The following RAP1GAP variants were observed in gnomAD, a reference collection of about 807,000 sequenced individuals.
RAP1GAP encodes RAP1 GTPase activating protein, also known as rap1 GTPase-activating protein 1.
RAP1GAP carries 35 observed loss-of-function variants against 87.2 expected under a neutral mutation model. That is an observed-to-expected ratio of 0.40 (90% confidence interval 0.31 to 0.53). The LOEUF (loss-of-function observed/expected upper bound fraction) is 0.53. Among genes scored for constraint, RAP1GAP ranks in the 20% least tolerant of loss-of-function variants. The pLI is 0.48. For missense variants in RAP1GAP, 734 were observed against 898.9 expected, an observed-to-expected ratio of 0.82 and a Z score of 2.35; for synonymous variants, 375 against 363.9, an observed-to-expected ratio of 1.03 and a Z score of -0.35.
At chr1:21,650,139 G>A (rs1313945925) in intron 1 of RAP1GAP, among the ~76,000 whole-genome samples, 3 of 152,026 alleles carry the variant, frequency 2.0e-5, no homozygotes, top group African/African-American at 4.8e-5. Context: ...GTAGGGGTGC[G>A]GCTGGGGCTA....
At chr1:21,604,699 G>A (rs775741073) in intron 18 of RAP1GAP, among the ~76,000 whole-genome samples, 10 of 152,006 alleles carry the variant, frequency 6.6e-5, no homozygotes, top group Non-Finnish European at 1.2e-4. Flanking sequence ...CAGAGGTCGG[G>A]GAATTCCCTC....
chr1:21,640,482 T>C (rs2095417705), intron 2 of RAP1GAP, among the ~76,000 whole-genome samples: 1 of 152,176 alleles, frequency 6.6e-6, no homozygotes, highest in Non-Finnish European at 1.5e-5. Context: ...TCTATGTTCA[T>C]GATGAAGCTG....
chr1:21,658,720 C>T (rs991925461), intron 1 of RAP1GAP, among the ~76,000 whole-genome samples: 10 of 151,930 alleles, frequency 6.6e-5, no homozygotes, highest in Non-Finnish European at 8.8e-5. Context: ...ATCTCTATTA[C>T]GATAATTTTA....
intron 1 of RAP1GAP, among the ~76,000 whole-genome samples, chr1:21,654,501 G>A (rs1296627643): frequency 3.9e-5 from 6 of 152,248 alleles, no homozygotes; most frequent in African/African-American, 1.4e-4. Context: ...GCACTGAGAA[G>A]AGTAGAGTAT....
In RAP1GAP at chr1:21,659,133, G is replaced by C. The variant is rs562415338; in HGVS notation, c.-148-9337C>G. On this transcript the variant is annotated intron_variant, in intron 1 of 24. Transcript: ENST00000374765. ...TTGGTCAGGCTGGCCTCGAACTCCCGACCTCAGGTGATGCGCCCGCCTTAG... is the reference window on the plus strand; with the variant it reads ...TTGGTCAGGCTGGCCTCGAACTCCCCACCTCAGGTGATGCGCCCGCCTTAG... 2.6e-5 allele frequency among the ~76,000 whole-genome samples: 4 copies of C among 152,092 alleles called. No individual in the cohort carries two copies. In the South Asian group the frequency reaches 8.3e-4, roughly 32 times the overall value.
rs746970548 is a variant in RAP1GAP, at chr1:21,634,955, C to T, written c.-112-8558G>A. 3.3e-5 allele frequency among the ~76,000 whole-genome samples: 5 copies of T among 152,226 alleles called. No individual in the cohort carries two copies. The highest frequency in any genetic ancestry group is 9.6e-5 in the African/African-American group (4 of 41,462). ...TCCTGCCGGGCAACAACATCATCTG[C>T]TTCCCTAGCCTGGCACTTTCCAGTT... is the stretch of plus-strand genomic sequence containing the variant. On this transcript the variant is annotated intron_variant, in intron 2 of 24. Transcript: ENST00000374765. This position sits in a 1 kb window ranked among gnomAD's most constrained non-coding sequence, Gnocchi z 4.1.
In RAP1GAP at chr1:21,662,353, G is replaced by A. The variant is rs573771773; in HGVS notation, c.-149+6901C>T. ...TGATAATTACTATCTGTAAAACGAG[G>A]GGGTTGGACCAGCTGATCTCTGTGG... On this transcript the variant is annotated intron_variant, in intron 1 of 24. Transcript: ENST00000374765. 3.0e-4 allele frequency among the ~76,000 whole-genome samples: 46 copies of A among 152,248 alleles called. No individual in the cohort carries two copies. In the South Asian group the frequency reaches 6.0e-3, roughly 20 times the overall value.
At chr1:21,655,983 A>T (rs1433521765) in intron 1 of RAP1GAP, among the ~76,000 whole-genome samples, 1 of 152,178 alleles carries the variant, frequency 6.6e-6, no homozygotes, top group East Asian at 1.9e-4. Context: ...CTCATTCAGG[A>T]TATCTGCCCC....
Position 21,624,366 on chromosome 1 carries a change from G to C in RAP1GAP, c.-19+1938C>G, listed in dbSNP as rs150476270. Among the ~76,000 whole-genome samples the C allele has an allele frequency of 1.1e-3, 161 of 152,336 alleles. 2 individuals are homozygous for C. The East Asian group carries it at 0.02, about 19-fold the overall frequency. On this transcript the variant is annotated intron_variant, in intron 3 of 24. Transcript: ENST00000374765. ...ACCCAATTGCAAGCTGGCAAGGCAG[G>C]TAGAGAAGAAACTGTCACCTCTGTT...
chr1:21,632,221 C>G (rs1197704904), intron 2 of RAP1GAP, among the ~76,000 whole-genome samples: 1 of 152,184 alleles, frequency 6.6e-6, no homozygotes, highest in African/African-American at 2.4e-5. Flanking sequence ...GGGGGAAGGG[C>G]CCAGCTCCTA....
rs886281232 is a variant in RAP1GAP, at chr1:21,644,550, C to T, written c.-113+5211G>A. Among the ~76,000 whole-genome samples, 13 of 152,150 alleles carry T rather than the reference C, an allele frequency of 8.5e-5. 1 individual carries two copies. In the East Asian group the frequency reaches 1.2e-3, roughly 14 times the overall value. On this transcript the variant is annotated intron_variant, in intron 2 of 24. Transcript: ENST00000374765. ...AAGTGCTCTGAAACACAGCCTGGCA[C>T]GCGCTCAGCTCTCGGCAAGGACCAG...
intron 20 of RAP1GAP, 110 bp downstream of exon 20, chr1:21,601,574 C>T (rs2068556129): frequency 1.4e-6 from 1 of 719,428 alleles, no homozygotes. Flanking sequence ...CCCCTGACAC[C>T]CTGCTGTGGC....
rs1440118473 is a variant in RAP1GAP, at chr1:21,617,344, G to C, written c.253C>G (p.Pro85Ala). 1.3e-6 allele frequency: 2 copies of C among 1,595,322 alleles called. No homozygotes were observed. The highest frequency in any genetic ancestry group is 1.7e-6 in the Non-Finnish European group (2 of 1,170,888). The change falls in exon 7 of 25, where the codon CCC becomes GCC. Residue 85 changes from proline (P) to alanine (A), a missense_variant. This residue lies in a region of RAP1GAP where 485 missense variants were observed against 646.2 expected (regional missense o/e 0.75). Transcript: ENST00000374765. ...TGCTTCCGGTAGATGCGGGCTGTGG[G>C]GTTGCACTCGAGCTTCACCTTGGTT... ...PTTKVKLECNPTARIYRKHFL... is the reference protein window; with the variant it reads ...PTTKVKLECNATARIYRKHFL...
Position 21,626,416 on chromosome 1 carries a change from G to A in RAP1GAP, c.-112-19C>T. The A allele has an allele frequency of 6.3e-7, 1 of 1,591,690 alleles. No homozygotes were observed. Among genetic ancestry groups the A allele is most frequent in the Non-Finnish European group, 8.6e-7 (1 of 1,160,132 alleles). On this transcript the variant is annotated intron_variant, in intron 2 of 24. Transcript: ENST00000374765. ...GCTCCTCCTGGAAGAGAAAGAGTCT[G>A]AGGTCAGGGAGAGCCCCAAGCCAGG...
chr1:21,609,057 G>T lies in RAP1GAP; in HGVS notation c.1072-121C>A. The T allele has an allele frequency of 1.2e-6, 1 of 854,234 alleles. No homozygotes were observed. Among genetic ancestry groups the T allele is most frequent in the Non-Finnish European group, 1.9e-6 (1 of 517,244 alleles). 52.9% of individuals were successfully genotyped at this position (854,234 alleles called of 1,614,324 possible). A position where few individuals can be genotyped will look rare whatever the true frequency, so the allele number is the denominator to read the frequency against. ...GAACCATGCTCTGCTGGGGCCTGGG[G>T]TCACCCTCTTCACTCCCAAAAGGGT... is the stretch of plus-strand genomic sequence containing the variant. On this transcript the variant is annotated intron_variant, in intron 15 of 24. Coordinates refer to ENST00000374765, the MANE Select transcript of RAP1GAP (RefSeq NM_002885.4). This position sits in a 1 kb window ranked among gnomAD's most constrained non-coding sequence, Gnocchi z 4.4.
intron 1 of RAP1GAP, chr1:21,653,133 C>T (rs1227318708): frequency 1.3e-5 from 2 of 152,124 alleles, no homozygotes; most frequent in African/African-American, 4.8e-5. Flanking sequence ...GTTTGTCTCA[C>T]CTAGGCAGGG....
At chr1:21,621,625 C>G (rs2087676229) in intron 3 of RAP1GAP, among the ~76,000 whole-genome samples, 1 of 152,240 alleles carries the variant, frequency 6.6e-6, no homozygotes, top group African/African-American at 2.4e-5. Context: ...ACCACAGACA[C>G]ACACCTGAAG....
chr1:21,663,092 C>T (rs1048033087), intron 1 of RAP1GAP, among the ~76,000 whole-genome samples: 1 of 152,170 alleles, frequency 6.6e-6, no homozygotes, highest in Non-Finnish European at 1.5e-5. Context: ...CTCTGCCCTT[C>T]GGAGGACTAC....
chr1:21,666,064 G>T (rs558464164), intron 1 of RAP1GAP, among the ~76,000 whole-genome samples: 1 of 152,238 alleles, frequency 6.6e-6, no homozygotes, highest in South Asian at 2.1e-4. Flanking sequence ...GCTTGGACAG[G>T]GAATCAGCAC....
Sources: allele counts gnomAD v4.1 joint callset (sites outside exome capture counted in the v4.1 genomes callset), GRCh38; gene constraint gnomAD v4.1.1; regional missense constraint gnomAD v4.1.1; non-coding constraint Gnocchi (gnomAD v3.1); transcripts MANE v1.5; gene names NCBI Gene and HGNC (gene_info 2026-07-23, HGNC 2026-07-21).